Variants in GPHN observed in about 807,000 individuals in gnomAD.
GPHN encodes gephyrin.
A neutral mutation model predicts 95.5 loss-of-function variants in GPHN; 17 were observed. The observed-to-expected ratio is 0.18, with a 90% confidence interval of 0.12 to 0.27. The LOEUF (loss-of-function observed/expected upper bound fraction) is 0.27. Among genes scored for constraint, GPHN ranks in the 10% least tolerant of loss-of-function variants. The pLI, the probability that GPHN is intolerant of heterozygous loss-of-function variation, is 1.00. For missense variants in GPHN, 660 were observed against 978.1 expected (o/e 0.67, Z 4.34); for synonymous variants, 320 against 322.5 (o/e 0.99, Z 0.08).
At chr14:67,369,665 T>C in the GPHN span, among the ~76,000 whole-genome samples, 6 of 152,362 alleles carry the variant, frequency 3.9e-5, 1 homozygote, top group South Asian at 8.3e-4. Context: ...CAGTGTCATA[T>C]CTTGGGAGGG....
At chr14:67,019,150 G>A (rs907530623) in intron 9 of GPHN, among the ~76,000 whole-genome samples, 1 of 152,172 alleles carries the variant, frequency 6.6e-6, no homozygotes, top group Non-Finnish European at 1.5e-5. Context: ...TAAATACCTT[G>A]TATTGATAAC....
At chr14:66,559,018 G>A (rs2140253210) in intron 1 of GPHN, among the ~76,000 whole-genome samples, 1 of 151,846 alleles carries the variant, frequency 6.6e-6, no homozygotes, top group Admixed American at 6.6e-5. Flanking sequence ...ATAGTTTACT[G>A]AGAATGATGA....
intron 2 of GPHN, among the ~76,000 whole-genome samples, chr14:66,732,706 G>A (rs984109638): frequency 1.3e-5 from 2 of 152,048 alleles, no homozygotes; most frequent in African/African-American, 2.4e-5. Context: ...TAGTAGAGAC[G>A]GGGATTCACC....
the GPHN span, among the ~76,000 whole-genome samples, chr14:67,712,539 AAAAC>A: frequency 6.6e-6 from 1 of 151,664 alleles, no homozygotes; most frequent in Non-Finnish European, 1.5e-5. Flanking sequence ...GGGTGAGAAA[AAAAC>A]AAAACAAAAA....
intron 3 of GPHN, among the ~76,000 whole-genome samples, chr14:66,799,736 C>A (rs2060277375): frequency 6.6e-6 from 1 of 151,864 alleles, no homozygotes; most frequent in South Asian, 2.1e-4. Flanking sequence ...GGCAACAGAT[C>A]AATAGGTCTT....
intron 2 of GPHN, among the ~76,000 whole-genome samples, chr14:66,696,730 G>C (rs1220774584): frequency 1.3e-5 from 2 of 152,122 alleles, no homozygotes; most frequent in South Asian, 4.1e-4. Flanking sequence ...CCAATTTGTG[G>C]TCCCCTGAAA....
the GPHN span, among the ~76,000 whole-genome samples, chr14:67,519,275 T>G: frequency 1.3e-5 from 2 of 152,014 alleles, no homozygotes; most frequent in Admixed American, 1.3e-4. Context: ...AGAAATTTCA[T>G]TGGAAAAGAA....
intron 20 of GPHN, among the ~76,000 whole-genome samples, chr14:67,168,446 GT>G (rs909817558): frequency 4.0e-5 from 6 of 150,678 alleles, no homozygotes; most frequent in Admixed American, 2.0e-4. Context: ...ATCATTTGGT[GT>G]TTTTTTTTAA....
intron 3 of GPHN, among the ~76,000 whole-genome samples, chr14:66,814,122 C>T (rs1184312848): frequency 6.6e-6 from 1 of 152,156 alleles, no homozygotes; most frequent in Non-Finnish European, 1.5e-5. Context: ...ACCACCATTG[C>T]AGACACCCTT....
chr14:66,514,333 C>CA (rs1338662753), intron 1 of GPHN, among the ~76,000 whole-genome samples: 1 of 151,836 alleles, frequency 6.6e-6, no homozygotes, highest in African/African-American at 2.4e-5. Context: ...CACTTCATGG[C>CA]AAAAAATTTA....
chr14:67,214,871 A>G, the GPHN span, among the ~76,000 whole-genome samples: 2 of 152,020 alleles, frequency 1.3e-5, no homozygotes, highest in Admixed American at 6.6e-5. Context: ...CTCCTTGAAG[A>G]GGTCCTTCAC....
chr14:67,583,684 C>G, the GPHN span: 6 of 1,402,620 alleles, frequency 4.3e-6, no homozygotes, highest in Non-Finnish European at 5.9e-6. Context: ...CAACAGCCCC[C>G]ACCTGGCCCA....
At chr14:67,265,933 G>A in the GPHN span, among the ~76,000 whole-genome samples, 1 of 151,418 alleles carries the variant, frequency 6.6e-6, no homozygotes, top group African/African-American at 2.4e-5. Flanking sequence ...TTAAAGGACT[G>A]TATCTGTCCA....
intron 1 of GPHN, 67 bp downstream of exon 1, chr14:66,508,658 T>C (rs780159304): frequency 7.3e-7 from 1 of 1,363,562 alleles, no homozygotes; most frequent in Non-Finnish European, 1.1e-6. Context: ...GCTTTTCGCC[T>C]GTGGTGGCCC....
intron 1 of GPHN, among the ~76,000 whole-genome samples, chr14:66,666,146 A>T (rs562780528): frequency 2.0e-5 from 3 of 152,148 alleles, no homozygotes; most frequent in South Asian, 4.2e-4. Flanking sequence ...GATATACCTA[A>T]TGTAAATGAC....
intron 2 of GPHN, among the ~76,000 whole-genome samples, chr14:66,757,082 T>C (rs2058583079): frequency 6.6e-6 from 1 of 152,108 alleles, no homozygotes; most frequent in African/African-American, 2.4e-5. Context: ...AGAAGGAAAT[T>C]GTGTAGAGCA....
intron 3 of GPHN, among the ~76,000 whole-genome samples, chr14:66,788,875 G>A (rs1428090434): frequency 6.6e-6 from 1 of 152,014 alleles, no homozygotes; most frequent in East Asian, 1.9e-4. Context: ...AGTAAAGATG[G>A]GGTTTCGCCA....
intron 1 of GPHN, among the ~76,000 whole-genome samples, chr14:66,658,248 G>T (rs1286684050): frequency 6.6e-6 from 1 of 152,110 alleles, no homozygotes; most frequent in Non-Finnish European, 1.5e-5. Flanking sequence ...TTTCACAGAT[G>T]AGGAGCTTTT....
the GPHN span, among the ~76,000 whole-genome samples, chr14:67,313,425 C>T: frequency 6.6e-6 from 1 of 152,112 alleles, no homozygotes; most frequent in South Asian, 2.1e-4. Flanking sequence ...ATAGCCTATT[C>T]CTCCAACCAC....
Sources: allele counts gnomAD v4.1 joint callset (sites outside exome capture counted in the v4.1 genomes callset), GRCh38; gene constraint gnomAD v4.1.1; transcripts MANE v1.5; gene names NCBI Gene and HGNC (gene_info 2026-07-23, HGNC 2026-07-21).